FAM193A: variants seen among roughly 807,000 people sequenced by gnomAD.
FAM193A encodes the protein family with sequence similarity 193 member A, also known as protein FAM193A.
FAM193A carries 22 observed loss-of-function variants against 126.5 expected under a neutral mutation model. The ratio of observed to expected loss-of-function variants is 0.17; its 90% CI spans 0.12 to 0.25. The LOEUF (loss-of-function observed/expected upper bound fraction) is 0.25, where lower values mean the gene tolerates loss of function less well. Among genes scored for constraint, FAM193A ranks in the 10% least tolerant of loss-of-function variants. FAM193A has a pLI of 1.00. For missense variants in FAM193A, 1,675 were observed against 1,672.8 expected, an observed-to-expected ratio of 1.00 and a Z score of -0.02; for synonymous variants, 761 against 646.8, an observed-to-expected ratio of 1.18 and a Z score of -2.68.
Position 2,667,520 on chromosome 4 carries a change from T to C in FAM193A, c.2079+4232T>C, listed in dbSNP as rs145195622. On this transcript the variant is annotated intron_variant, in intron 12 of 20. Coordinates refer to ENST00000637812, the MANE Select transcript of FAM193A (RefSeq NM_001366318.2). ...GGGTGATGTTATTGAATTATTGTTA[T>C]AGCTCCCCTGATATATTGCCCCTTT... 4.3e-4 allele frequency among the ~76,000 whole-genome samples: 66 copies of C among 152,380 alleles called. 2 individuals carry two copies. In the East Asian group the frequency reaches 9.1e-3, roughly 21 times the overall value.
rs555114826 is a variant in FAM193A at position 2,643,074 on chromosome 4, T to C, written c.1163+3215T>C. Among the ~76,000 whole-genome samples the C allele has an allele frequency of 1.1e-4, 16 of 152,196 alleles. 1 individual carries two copies. The East Asian group carries it at 2.9e-3, about 28-fold the overall frequency. ...CAAGCTGCAGTCTCACTTCTCACTT[T>C]TGGGACCCACAGGCAGTTGAGGGAG... On this transcript the variant is annotated intron_variant, in intron 6 of 20. Coordinates refer to ENST00000637812, the MANE Select transcript of FAM193A (RefSeq NM_001366318.2).
rs1188855537 is a variant in FAM193A, at chr4:2,646,727, C to T, written c.1206C>T (p.Tyr402=). 2.5e-6 allele frequency: 4 copies of T among 1,613,962 alleles called. No homozygotes were observed. Among genetic ancestry groups the T allele is most frequent in the East Asian group, 4.5e-5 (2 of 44,880 alleles). ...TTHDTCSEDT[Y]STLLQRYQRS... ...ACGACACCTGCAGTGAGGACACATA[C>T]AGTACCTTGCTGCAGAGGTACCAGC... The change falls in exon 7 of 21, where the codon TAC becomes TAT. Residue 402 remains tyrosine (Y), a synonymous_variant. Transcript: ENST00000637812.
intron 2 of FAM193A, among the ~76,000 whole-genome samples, chr4:2,620,700 T>G (rs1742486330): frequency 7.2e-6 from 1 of 139,478 alleles, no homozygotes; most frequent in African/African-American, 2.5e-5. Flanking sequence ...AATACAAAAA[T>G]TAGCCAGGGG....
intron 20 of FAM193A, among the ~76,000 whole-genome samples, chr4:2,728,119 C>G (rs531837960): frequency 2.0e-5 from 3 of 151,806 alleles, no homozygotes; most frequent in East Asian, 3.9e-4. Context: ...TTAGTAGAGG[C>G]AGGGTTTCTC....
intron 2 of FAM193A, among the ~76,000 whole-genome samples, chr4:2,597,623 C>T (rs1309433610): frequency 6.6e-6 from 1 of 152,110 alleles, no homozygotes; most frequent in African/African-American, 2.4e-5. Context: ...ATGAGCCATT[C>T]TCTCCTCACC....
rs1028941409 is a variant in FAM193A, at chr4:2,732,533, G to A, written c.*665G>A. 2 of 152,756 alleles carry A rather than the reference G, an allele frequency of 1.3e-5. No individual in the cohort carries two copies. The highest frequency in any genetic ancestry group is 2.9e-5 in the Non-Finnish European group (2 of 68,144). The allele number at this position is 152,756 out of a possible 1,614,324, so 9.5% of individuals were successfully genotyped here. A position where few individuals can be genotyped will look rare whatever the true frequency, so the allele number is the denominator to read the frequency against. On this transcript the variant is annotated 3_prime_UTR_variant, in exon 21 of 21. Coordinates refer to ENST00000637812, the MANE Select transcript of FAM193A (RefSeq NM_001366318.2). ...TATTGTTAAGTAATATTAAAATCAT[G>A]TCTTTCTTTTTGAAAGATGGAATAC...
intron 13 of FAM193A, among the ~76,000 whole-genome samples, chr4:2,672,865 A>G (rs1311945170): frequency 6.6e-6 from 1 of 152,230 alleles, no homozygotes; most frequent in Non-Finnish European, 1.5e-5. Flanking sequence ...GTGTGATGCC[A>G]CAGAAAACTA....
At chr4:2,717,611 A>AAG (rs1719686967) in intron 20 of FAM193A, among the ~76,000 whole-genome samples, 1 of 151,162 alleles carries the variant, frequency 6.6e-6, no homozygotes, top group African/African-American at 2.4e-5. Context: ...AAAAAAAAAA[A>AAG]AAAAGCCAGG....
At chr4:2,689,245 G>A (rs566453958) in intron 13 of FAM193A, among the ~76,000 whole-genome samples, 1 of 152,310 alleles carries the variant, frequency 6.6e-6, no homozygotes, top group African/African-American at 2.4e-5. Flanking sequence ...AAGTTACTGA[G>A]TTGTCTAAAG....
Position 2,659,868 on chromosome 4 carries a change from C to T in FAM193A, c.1559C>T (p.Pro520Leu), listed in dbSNP as rs1712196751. 3.1e-6 allele frequency: 5 copies of T among 1,614,068 alleles called. No homozygotes were observed. The highest frequency in any genetic ancestry group is 1.6e-4 in the Middle Eastern group (1 of 6,062). ...SHILTCGIMD[P>L]PVTDDIHIHQ... The stretch of plus-strand genomic sequence containing the variant: ...ATCCTCACGTGTGGTATCATGGACC[C>T]CCCCGTCACTGATGACATCCACATT... Residue 520 changes from proline to leucine, a missense_variant, in exon 10 of 21, where the codon CCC becomes CTC. Coordinates refer to ENST00000637812, the MANE Select transcript of FAM193A (RefSeq NM_001366318.2).
Position 2,596,386 on chromosome 4 carries a change from G to A in FAM193A, c.501+57G>A. 3 of 677,002 alleles carry A rather than the reference G, an allele frequency of 4.4e-6. No individual in the cohort carries two copies. In the South Asian group the frequency reaches 4.6e-5, roughly 10 times the overall value. 41.9% of individuals were successfully genotyped at this position (677,002 alleles called of 1,614,324 possible). A position where few individuals can be genotyped will look rare whatever the true frequency, so the allele number is the denominator to read the frequency against. ...CGTTGGCTCCCCCCGCCCAGGTTAT[G>A]GGGTAACTGGCAGTGAAAGAAATGG... On this transcript the variant is annotated intron_variant, in intron 2 of 20. Coordinates refer to ENST00000637812, the MANE Select transcript of FAM193A (RefSeq NM_001366318.2).
chr4:2,676,732 G>A (rs1714444731), intron 13 of FAM193A, among the ~76,000 whole-genome samples: 1 of 152,270 alleles, frequency 6.6e-6, no homozygotes, highest in South Asian at 2.1e-4. Context: ...CACGAGGTCA[G>A]GAGGTCGAGA....
chr4:2,581,588 A>G (rs1277072238), intron 1 of FAM193A, among the ~76,000 whole-genome samples: 2 of 151,364 alleles, frequency 1.3e-5, no homozygotes, highest in African/African-American at 4.9e-5. Flanking sequence ...TGGGTTAGGT[A>G]TGCTGGCAAT....
At chr4:2,675,064 G>A (rs1297583539) in intron 13 of FAM193A, among the ~76,000 whole-genome samples, 1 of 152,086 alleles carries the variant, frequency 6.6e-6, no homozygotes, top group Non-Finnish European at 1.5e-5. Flanking sequence ...CTATCTTTTT[G>A]TTACTGATTT....
intron 1 of FAM193A, among the ~76,000 whole-genome samples, chr4:2,573,382 G>A (rs912280507): frequency 2.8e-4 from 42 of 151,978 alleles, no homozygotes; most frequent in Admixed American, 8.5e-4. Context: ...GCGTGGTGAC[G>A]GGCACCTGTA....
At chr4:2,535,949 C>A (rs1266707411), upstream of FAM193A, among the ~76,000 whole-genome samples, 2 of 152,160 alleles carry the variant, frequency 1.3e-5, no homozygotes, top group Non-Finnish European at 2.9e-5. Context: ...CGGACCCCAC[C>A]GCACCGCGCC....
intron 20 of FAM193A, among the ~76,000 whole-genome samples, chr4:2,726,457 G>A (rs1360753246): frequency 2.0e-5 from 3 of 151,670 alleles, no homozygotes; most frequent in Admixed American, 1.3e-4. Flanking sequence ...TGGGTTTCAG[G>A]GAAAAAAAAG....
chr4:2,566,435 A>G (rs1032926892), intron 1 of FAM193A, among the ~76,000 whole-genome samples: 2 of 152,104 alleles, frequency 1.3e-5, no homozygotes, highest in Admixed American at 6.6e-5. Context: ...CACACCTGTA[A>G]TCCCAACGCT....
At chr4:2,538,817 G>A (rs997205133) in intron 1 of FAM193A, among the ~76,000 whole-genome samples, 8 of 152,080 alleles carry the variant, frequency 5.3e-5, no homozygotes, top group Non-Finnish European at 2.9e-5. Flanking sequence ...CTTAGTTTTA[G>A]CCTTTCATAC....
Sources: allele counts gnomAD v4.1 joint callset (sites outside exome capture counted in the v4.1 genomes callset), GRCh38; gene constraint gnomAD v4.1.1; transcripts MANE v1.5; gene names NCBI Gene and HGNC (gene_info 2026-07-23, HGNC 2026-07-21).